SOS1: variants seen among roughly 807,000 people sequenced by gnomAD.
SOS1 encodes son of sevenless homolog 1.
A neutral mutation model predicts 157.6 loss-of-function variants in SOS1; 25 were observed. That is an observed-to-expected ratio of 0.16 (90% CI 0.12 to 0.22). SOS1 has a LOEUF of 0.22. SOS1 is among the 10% of genes least tolerant of loss of function. SOS1 has a pLI of 1.00. For synonymous variants in SOS1, 528 were observed against 534.0 expected, an observed-to-expected ratio of 0.99 and a Z score of 0.16; for missense variants, 1,237 against 1,599.1, an observed-to-expected ratio of 0.77 and a Z score of 3.86.
At chr2:38,999,512 G>C (rs1241114203) in intron 17 of SOS1, among the ~76,000 whole-genome samples, 2 of 152,204 alleles carry the variant, frequency 1.3e-5, no homozygotes, top group Non-Finnish European at 2.9e-5. Flanking sequence ...AAGTGCATTA[G>C]TTACTTGGTT....
chr2:39,123,710 G>A (rs10165968), upstream of SOS1, among the ~76,000 whole-genome samples: 29,165 of 152,046 alleles, frequency 0.19, 4,674 homozygotes, highest in African/African-American at 0.43. Flanking sequence ...TCGTATCCCC[G>A]GGGCCTACAA....
intron 1 of SOS1, among the ~76,000 whole-genome samples, chr2:39,071,324 G>A (rs574807319): frequency 3.3e-5 from 5 of 152,272 alleles, no homozygotes; most frequent in South Asian, 4.1e-4. Flanking sequence ...CCTAGTGTAC[G>A]GAGTGGATGC....
chr2:39,055,729 AC>A (rs1428857111), intron 4 of SOS1, among the ~76,000 whole-genome samples: 14 of 152,224 alleles, frequency 9.2e-5, no homozygotes, highest in African/African-American at 3.4e-4. Context: ...TCATCAGAAA[AC>A]ATTTTCCTTT....
At chr2:39,014,631 AAG>A (rs1028952985) in intron 11 of SOS1, 132 bp downstream of exon 11, 2 of 505,780 alleles carry the variant, frequency 4.0e-6, no homozygotes, top group Non-Finnish European at 7.2e-6. Context: ...ATGTTCATCT[AAG>A]AGATTTTATT....
At chr2:39,110,039 CGTGTGTGTGTGTGTGTGTGTGTGT>C (rs779110307) in intron 1 of SOS1, among the ~76,000 whole-genome samples, 9 of 135,420 alleles carry the variant, frequency 6.6e-5, no homozygotes, top group Admixed American at 1.5e-4. Context: ...TGTGTGTGTG[CGTGTGTGTGTGTGTGTGTGTGTGT>C]GTGTGTGTGT....
At chr2:39,042,700 G>C (rs2124578556) in intron 6 of SOS1, among the ~76,000 whole-genome samples, 1 of 148,580 alleles carries the variant, frequency 6.7e-6, no homozygotes, top group South Asian at 2.1e-4. Flanking sequence ...ACTGTGCCCA[G>C]CTAATTTTAT....
In SOS1 at chr2:39,013,936, T is replaced by G. The variant is rs1669544445; in HGVS notation, c.1994A>C (p.Asn665Thr). The change falls in exon 12 of 23, where the codon AAT becomes ACT. Residue 665 changes from asparagine to threonine, a missense_variant. Around this residue, in one of 15 missense-constraint regions of SOS1, gnomAD observed 55 missense variants for 43.1 expected, o/e 1.27. Coordinates refer to ENST00000402219, the MANE Select transcript of SOS1 (RefSeq NM_005633.4). ...PTEADRIAIE[N>T]GDQPLSAELK... ...TTCTGCACTCAAGGGTTGATCTCCATTCTCTATAGCTATGCGATCAGCTTC... is the reference window on the plus strand; with the variant it reads ...TTCTGCACTCAAGGGTTGATCTCCAGTCTCTATAGCTATGCGATCAGCTTC... 1 of 1,605,144 alleles carries G rather than the reference T, an allele frequency of 6.2e-7. No homozygotes were observed. Among genetic ancestry groups the G allele is most frequent in the East Asian group, 2.2e-5 (1 of 44,758 alleles).
At chr2:39,004,803 C>T (rs1359245934) in intron 17 of SOS1, among the ~76,000 whole-genome samples, 1 of 151,078 alleles carries the variant, frequency 6.6e-6, no homozygotes, top group East Asian at 1.9e-4. Context: ...AAAATCTCCA[C>T]AGTAATCAAA....
chr2:39,041,313 T>C (rs1004657635), intron 6 of SOS1, among the ~76,000 whole-genome samples: 1 of 152,230 alleles, frequency 6.6e-6, no homozygotes, highest in Non-Finnish European at 1.5e-5. Context: ...TCTAATGATG[T>C]TGAGCATTTT....
intron 10 of SOS1, among the ~76,000 whole-genome samples, chr2:39,015,919 T>G (rs1463025047): frequency 6.6e-6 from 1 of 150,566 alleles, no homozygotes; most frequent in African/African-American, 2.4e-5. Context: ...AGTAAATTCA[T>G]AGAGGGTAGC....
intron 17 of SOS1, among the ~76,000 whole-genome samples, chr2:39,003,343 G>C (rs989101458): frequency 6.6e-6 from 1 of 152,042 alleles, no homozygotes; most frequent in African/African-American, 2.4e-5. Context: ...TTCTTAAAAG[G>C]ATAAAAACCA....
chr2:39,116,910 A>G (rs1192187594), intron 1 of SOS1, among the ~76,000 whole-genome samples: 1 of 152,166 alleles, frequency 6.6e-6, no homozygotes, highest in Non-Finnish European at 1.5e-5. Flanking sequence ...CCCAAGAAAA[A>G]ATTTAAATTC....
chr2:39,013,679 G>C, intron 12 of SOS1, 116 bp from the exon 13 acceptor site: 1 of 916,776 alleles, frequency 1.1e-6, no homozygotes, highest in South Asian at 1.3e-5. Context: ...TCTTATCAGT[G>C]TGCTTAACAC....
chr2:39,000,288 C>T (rs1204069942), intron 17 of SOS1, among the ~76,000 whole-genome samples: 1 of 152,174 alleles, frequency 6.6e-6, no homozygotes, highest in African/African-American at 2.4e-5. Flanking sequence ...TGATCTTACA[C>T]TGCATCAGTA....
Position 39,035,455 on chromosome 2 carries a change from G to T in SOS1, c.910C>A (p.Arg304=), listed in dbSNP as rs766965165. 1 of 1,613,584 alleles carries T rather than the reference G, an allele frequency of 6.2e-7. No individual in the cohort carries two copies. The highest frequency in any genetic ancestry group is 1.7e-5 in the Admixed American group (1 of 60,006). The change falls in exon 7 of 23, where the codon CGA becomes AGA. Residue 304 remains arginine, a synonymous_variant. Coordinates refer to ENST00000402219, the MANE Select transcript of SOS1 (RefSeq NM_005633.4). ...AGGAAACGATCATGAAAACCAGGTC[G>T]CAAAATATCTCGAGCATACGATTCA... The part of the protein sequence containing the change: ...PYESYARDIL[R]PGFHDRFLSQ...
chr2:39,045,273 A>AGAGTGTGTGTGTGTGTGTGT (rs138343013), intron 6 of SOS1, among the ~76,000 whole-genome samples: 8 of 108,086 alleles, frequency 7.4e-5, no homozygotes, highest in Non-Finnish European at 1.3e-4. Context: ...AGAGAGAGAG[A>AGAGTGTGTGTGTGTGTGTGT]GTGTGTGTGT....
chr2:39,108,162 T>C, intron 1 of SOS1, among the ~76,000 whole-genome samples: 1 of 152,138 alleles, frequency 6.6e-6, no homozygotes, highest in East Asian at 1.9e-4. Flanking sequence ...TCTAAATCTC[T>C]CTAATTAATT....
At chr2:38,999,204 T>A (rs1010674591) in intron 17 of SOS1, among the ~76,000 whole-genome samples, 1 of 152,232 alleles carries the variant, frequency 6.6e-6, no homozygotes, top group African/African-American at 2.4e-5. Flanking sequence ...TATAAAGGCA[T>A]TGATTCATGA....
chr2:39,077,732 T>C (rs895268566), intron 1 of SOS1, among the ~76,000 whole-genome samples: 1 of 152,192 alleles, frequency 6.6e-6, no homozygotes, highest in Admixed American at 6.5e-5. Context: ...GAGGAAAGGA[T>C]GGATCATCCA....
Sources: gnomAD v4.1 joint callset for allele counts (sites outside exome capture counted in the v4.1 genomes callset) on GRCh38, gnomAD v4.1.1 for gene constraint, gnomAD v4.1.1 regional missense constraint, MANE v1.5 for transcripts, NCBI Gene and HGNC (gene_info 2026-07-23, HGNC 2026-07-21) for gene names.